ARHGAP24: variants seen among roughly 807,000 people sequenced by gnomAD.
The protein encoded by ARHGAP24 is rho GTPase-activating protein 24.
ARHGAP24 carries 50 observed loss-of-function variants against 76.4 expected under a neutral mutation model. The ratio of observed to expected loss-of-function variants is 0.65; its 90% confidence interval spans 0.52 to 0.83. The LOEUF is 0.83. ARHGAP24 is among the 40% of genes least tolerant of loss of function. The pLI, the probability that ARHGAP24 is intolerant of heterozygous loss-of-function variation, is 0.00. For synonymous variants in ARHGAP24, 345 were observed against 323.3 expected, an observed-to-expected ratio of 1.07 and a Z score of -0.72; for missense variants, 930 against 914.2, an observed-to-expected ratio of 1.02 and a Z score of -0.22.
rs1345586065 is a variant in ARHGAP24 at position 85,874,785 on chromosome 4, TA to T, written c.269-48862del. On this transcript the variant is annotated intron_variant, in intron 3 of 9. Coordinates refer to ENST00000395184, the MANE Select transcript of ARHGAP24 (RefSeq NM_001025616.3). ...ATATAATTTATATATAAAATATATT[TA>T]TATATAATTTATATATAAAATATAT... is the stretch of plus-strand genomic sequence containing the variant. Among the ~76,000 whole-genome samples the T allele has an allele frequency of 4.7e-3, 215 of 45,388 alleles. 28 individuals are homozygous for T. The highest frequency in any genetic ancestry group is 0.014 in the African/African-American group (146 of 10,244). 29.8% of individuals were successfully genotyped at this position (45,388 alleles called of 152,430 possible).
At chr4:85,944,178 T>C (rs967119937) in intron 5 of ARHGAP24, among the ~76,000 whole-genome samples, 7 of 152,238 alleles carry the variant, frequency 4.6e-5, no homozygotes, top group Non-Finnish European at 7.3e-5. Flanking sequence ...GGTATCTCAT[T>C]GTGGTTTTGA....
chr4:85,478,183 G>C (rs1035317690), intron 1 of ARHGAP24, among the ~76,000 whole-genome samples: 2 of 152,170 alleles, frequency 1.3e-5, no homozygotes, highest in Non-Finnish European at 2.9e-5. Flanking sequence ...AAAAGCAGAA[G>C]ATATTTAAAA....
intron 4 of ARHGAP24, among the ~76,000 whole-genome samples, chr4:85,925,303 C>T (rs1431369626): frequency 6.6e-6 from 1 of 152,194 alleles, no homozygotes; most frequent in Non-Finnish European, 1.5e-5. Flanking sequence ...ACACACTACC[C>T]GCTGCCCATT....
intron 2 of ARHGAP24, among the ~76,000 whole-genome samples, chr4:85,599,662 TA>T (rs1305776715): frequency 6.6e-6 from 1 of 151,916 alleles, no homozygotes; most frequent in African/African-American, 2.4e-5. Context: ...CATGAATTGC[TA>T]TTAAATTATT....
chr4:85,663,234 G>A (rs1207252101), intron 2 of ARHGAP24, among the ~76,000 whole-genome samples: 22 of 148,916 alleles, frequency 1.5e-4, no homozygotes, highest in African/African-American at 3.7e-4. Flanking sequence ...GGTCCTTCAC[G>A]TCCCTTGTAA....
At chr4:85,852,765 C>G (rs1731312470) in intron 3 of ARHGAP24, among the ~76,000 whole-genome samples, 1 of 152,202 alleles carries the variant, frequency 6.6e-6, no homozygotes, top group South Asian at 2.1e-4. Context: ...CACTGTTTGC[C>G]TGGGTATCAC....
intron 2 of ARHGAP24, among the ~76,000 whole-genome samples, chr4:85,669,598 T>G (rs1384213484): frequency 6.8e-6 from 1 of 146,080 alleles, no homozygotes; most frequent in Admixed American, 6.8e-5. Flanking sequence ...ATTAAAAATC[T>G]GAATTAAAAA....
chr4:85,517,523 T>C (rs867638487), intron 1 of ARHGAP24, among the ~76,000 whole-genome samples: 22 of 152,292 alleles, frequency 1.4e-4, no homozygotes, highest in African/African-American at 4.8e-4. Flanking sequence ...CAGTTTGCAT[T>C]TCTTTAATTG....
At chr4:85,928,296 T>TATTC (rs1396930263) in intron 4 of ARHGAP24, among the ~76,000 whole-genome samples, 13 of 151,700 alleles carry the variant, frequency 8.6e-5, no homozygotes, top group Non-Finnish European at 1.9e-4. Context: ...TCCTTTCCTT[T>TATTC]CTTCCTTCCT....
intron 2 of ARHGAP24, among the ~76,000 whole-genome samples, chr4:85,599,830 G>C (rs1719975402): frequency 6.6e-6 from 1 of 151,928 alleles, no homozygotes; most frequent in South Asian, 2.1e-4. Context: ...GCCTGCAAAA[G>C]TAACTATTTT....
chr4:85,874,838 AT>A (rs538972249), intron 3 of ARHGAP24, among the ~76,000 whole-genome samples: 2,130 of 11,576 alleles, frequency 0.18, 571 homozygotes, highest in African/African-American at 0.24. Context: ...TATAAAATAT[AT>A]TTTTATATAA....
rs1728370052 is a variant in ARHGAP24 at position 85,797,020 on chromosome 4, T to C, written c.268+75048T>C. Among the ~76,000 whole-genome samples, 3 of 152,150 alleles carry C rather than the reference T, an allele frequency of 2.0e-5. 1 individual carries two copies. Among genetic ancestry groups the C allele is most frequent in the Non-Finnish European group, 4.4e-5 (3 of 68,008 alleles). ...GGGGCTGGGTGCTGGAGAAGCTGCC[T>C]GTGCTGCAGGAGCCTGCGGAGCCAG... On this transcript the variant is annotated intron_variant, in intron 3 of 9. Coordinates refer to ENST00000395184, the MANE Select transcript of ARHGAP24 (RefSeq NM_001025616.3).
intron 8 of ARHGAP24, chr4:85,991,891 G>A (rs1018477094): frequency 2.8e-6 from 1 of 362,282 alleles, no homozygotes; most frequent in Admixed American, 4.6e-5. Flanking sequence ...ACAGAATGCT[G>A]TCATCTACAT....
chr4:85,931,291 T>C (rs1736317581), intron 4 of ARHGAP24, among the ~76,000 whole-genome samples: 1 of 152,086 alleles, frequency 6.6e-6, no homozygotes, highest in Non-Finnish European at 1.5e-5. Context: ...GGGGATCACC[T>C]TGACTGACAG....
At chr4:85,559,567 A>C (rs2110134572) in intron 1 of ARHGAP24, among the ~76,000 whole-genome samples, 1 of 152,330 alleles carries the variant, frequency 6.6e-6, no homozygotes, top group Non-Finnish European at 1.5e-5. Context: ...GGCCTCCCCA[A>C]ATTTCTTTTC....
chr4:85,699,748 T>G (rs1477546556), intron 2 of ARHGAP24, among the ~76,000 whole-genome samples: 1 of 152,166 alleles, frequency 6.6e-6, no homozygotes, highest in Non-Finnish European at 1.5e-5. Context: ...TATCATCTTC[T>G]AAGGTAGTAC....
chr4:85,554,141 T>A (rs1726255893), intron 1 of ARHGAP24, among the ~76,000 whole-genome samples: 1 of 152,210 alleles, frequency 6.6e-6, no homozygotes, highest in Non-Finnish European at 1.5e-5. Flanking sequence ...TTCAATCTCT[T>A]CTGGTTTGTG....
At chr4:85,706,987 T>C (rs1278575260) in intron 2 of ARHGAP24, among the ~76,000 whole-genome samples, 1 of 152,114 alleles carries the variant, frequency 6.6e-6, no homozygotes, top group Non-Finnish European at 1.5e-5. Context: ...CTATCATAGC[T>C]CACTGTAGCC....
chr4:85,791,293 C>T (rs1307725415), intron 3 of ARHGAP24, among the ~76,000 whole-genome samples: 1 of 152,054 alleles, frequency 6.6e-6, no homozygotes, highest in Admixed American at 6.5e-5. Flanking sequence ...GTTATAAATT[C>T]TGATACTATA....
Sources: gnomAD v4.1 joint callset for allele counts (sites outside exome capture counted in the v4.1 genomes callset) on GRCh38, gnomAD v4.1.1 for gene constraint, MANE v1.5 for transcripts, NCBI Gene and HGNC (gene_info 2026-07-23, HGNC 2026-07-21) for gene names.